Variants in ADAMTS6 observed in about 807,000 individuals in gnomAD.
The protein encoded by ADAMTS6 is A disintegrin and metalloproteinase with thrombospondin motifs 6.
Under a neutral mutation model 144.3 loss-of-function variants are expected in ADAMTS6, and 23 were observed. The ratio of observed to expected loss-of-function variants is 0.16; its 90% CI spans 0.11 to 0.23. ADAMTS6 has a LOEUF of 0.23. Ranked by LOEUF, ADAMTS6 falls within the 10% of genes least tolerant of loss-of-function variation. The pLI, the probability that ADAMTS6 is intolerant of heterozygous loss-of-function variation, is 1.00. For synonymous variants in ADAMTS6, 444 were observed against 457.5 expected (o/e 0.97, Z 0.38); for missense variants, 999 against 1,379.6 (o/e 0.72, Z 4.37).
At chr5:65,249,881 T>C (rs1230111786) in intron 14 of ADAMTS6, among the ~76,000 whole-genome samples, 1 of 152,220 alleles carries the variant, frequency 6.6e-6, no homozygotes, top group Non-Finnish European at 1.5e-5. Flanking sequence ...AGTTTCAGAA[T>C]GTTCTCAGCT....
At position 65,149,427 on chromosome 5, in the gene ADAMTS6, G is replaced by A. The variant is rs545579689; in HGVS notation, c.*2409C>T. 5.3e-5 allele frequency: 8 copies of A among 152,292 alleles called. No individual in the cohort carries two copies. Among genetic ancestry groups the A allele is most frequent in the African/African-American group, 1.9e-4 (8 of 41,552 alleles). 9.4% of individuals were successfully genotyped at this position (152,292 alleles called of 1,614,324 possible). On this transcript the variant is annotated 3_prime_UTR_variant, in exon 25 of 25. Transcript: ENST00000381055. ...TGTTTCATCCTGTTACATTCTGTGCGTGGCTCCCTCTAGAAAGGCACTCTG... is the reference window on the plus strand; with the variant it reads ...TGTTTCATCCTGTTACATTCTGTGCATGGCTCCCTCTAGAAAGGCACTCTG...
rs1233628363 is a variant in ADAMTS6 at position 65,381,557 on chromosome 5, T to TTC, written c.1074-47473_1074-47472insGA. On this transcript the variant is annotated intron_variant, in intron 7 of 24. Transcript: ENST00000381055. ...TTTTTTTTTTTTTTTTTTTTTTTTT[T>TTC]GTAATTTTAGTAGAGATAGGGTTTC... is the stretch of plus-strand genomic sequence containing the variant. 3.6e-4 allele frequency among the ~76,000 whole-genome samples: 45 copies of TTC among 124,834 alleles called. 1 individual carries two copies. The highest frequency in any genetic ancestry group is 5.5e-4 in the Non-Finnish European group (32 of 58,084). 81.9% of individuals were successfully genotyped at this position (124,834 alleles called of 152,430 possible).
intron 7 of ADAMTS6, among the ~76,000 whole-genome samples, chr5:65,366,349 T>C (rs1348777914): frequency 6.6e-6 from 1 of 152,150 alleles, no homozygotes. Context: ...ATTCCGACAA[T>C]GTCTTAAAAT....
At chr5:65,472,661 C>T (rs1342622186) in intron 2 of ADAMTS6, among the ~76,000 whole-genome samples, 1 of 152,166 alleles carries the variant, frequency 6.6e-6, no homozygotes, top group Non-Finnish European at 1.5e-5. Flanking sequence ...CAAATGTCTG[C>T]TTATTTGCCT....
intron 11 of ADAMTS6, among the ~76,000 whole-genome samples, chr5:65,289,831 T>A (rs991956335): frequency 4.6e-5 from 7 of 152,294 alleles, no homozygotes; most frequent in African/African-American, 1.7e-4. Flanking sequence ...ATGAGAGACA[T>A]AGATATGAAT....
chr5:65,329,355 T>C, intron 9 of ADAMTS6, 23 bp downstream of exon 9: 4 of 1,607,116 alleles, frequency 2.5e-6, no homozygotes, highest in East Asian at 2.2e-5. Context: ...AAAATTTATT[T>C]TGATTTTCTT....
intron 7 of ADAMTS6, among the ~76,000 whole-genome samples, chr5:65,436,223 C>T (rs987795597): frequency 1.3e-5 from 2 of 151,992 alleles, no homozygotes; most frequent in African/African-American, 4.8e-5. Context: ...CATCTCTACA[C>T]ACACACACAC....
At chr5:65,468,682 C>T (rs1246871448) in intron 3 of ADAMTS6, among the ~76,000 whole-genome samples, 2 of 152,234 alleles carry the variant, frequency 1.3e-5, no homozygotes, top group Admixed American at 6.5e-5. Context: ...GGAAAGAGAA[C>T]AAGAGACAGA....
chr5:65,447,036 G>A (rs994892525), intron 7 of ADAMTS6, among the ~76,000 whole-genome samples: 39 of 152,138 alleles, frequency 2.6e-4, no homozygotes, highest in Middle Eastern at 3.4e-3. Flanking sequence ...AAACTGTTAC[G>A]TATTATTATC....
rs1430391020 is a variant in ADAMTS6 at position 65,150,297 on chromosome 5, C to T, written c.*1539G>A. ...ATGGGGAGGCATTTTGGACACAAAG[C>T]ACATTCATCAAGAACCTGCTGCAAG... On this transcript the variant is annotated 3_prime_UTR_variant, in exon 25 of 25. Coordinates refer to ENST00000381055, the MANE Select transcript of ADAMTS6 (RefSeq NM_197941.4). 2 of 152,608 alleles carry T rather than the reference C, an allele frequency of 1.3e-5. No homozygotes were observed. Among genetic ancestry groups the T allele is most frequent in the Non-Finnish European group, 2.9e-5 (2 of 68,040 alleles). 9.5% of individuals were successfully genotyped at this position (152,608 alleles called of 1,614,324 possible). A position where few individuals can be genotyped will look rare whatever the true frequency, so the allele number is the denominator to read the frequency against.
At chr5:65,156,318 GAAAACAAAAC>G (rs1275014511) in intron 24 of ADAMTS6, among the ~76,000 whole-genome samples, 2 of 147,728 alleles carry the variant, frequency 1.4e-5, no homozygotes, top group Non-Finnish European at 3.0e-5. Flanking sequence ...ACAAAAAAAC[GAAAACAAAAC>G]AAAACAAACA....
In ADAMTS6 at chr5:65,451,558, T is replaced by C. The variant is rs1291777328; in HGVS notation, c.990A>G (p.Lys330=). ...KSLDSFCKWQ[K]SILSHQSDGN... is the part of the protein sequence containing the mutation. Reference sequence around the variant, plus strand: ...CATCACTTTGGTGGGAGAGAATGGATTTCTGCCATTTACAGAAGCTATCGA... The same window carrying C: ...CATCACTTTGGTGGGAGAGAATGGACTTCTGCCATTTACAGAAGCTATCGA... Residue 330 remains lysine (K), a synonymous_variant, in exon 7 of 25, where the codon AAA becomes AAG. Coordinates refer to ENST00000381055, the MANE Select transcript of ADAMTS6 (RefSeq NM_197941.4). The C allele has an allele frequency of 3.7e-6, 6 of 1,613,502 alleles. No individual in the cohort carries two copies. The highest frequency in any genetic ancestry group is 4.2e-6 in the Non-Finnish European group (5 of 1,179,742).
At chr5:65,289,107 A>G (rs1166241050) in intron 11 of ADAMTS6, among the ~76,000 whole-genome samples, 1 of 152,240 alleles carries the variant, frequency 6.6e-6, no homozygotes, top group Non-Finnish European at 1.5e-5. Context: ...ATTTTGCTAC[A>G]AATCAAAGTG....
intron 5 of ADAMTS6, among the ~76,000 whole-genome samples, chr5:65,452,460 G>C (rs1259632677): frequency 2.0e-5 from 2 of 99,494 alleles, no homozygotes; most frequent in Admixed American, 1.0e-4. Context: ...GATGTTTCAA[G>C]TTAAAAAAAA....
At chr5:65,286,181 C>T (rs969882209) in intron 11 of ADAMTS6, among the ~76,000 whole-genome samples, 7 of 152,138 alleles carry the variant, frequency 4.6e-5, no homozygotes, top group Non-Finnish European at 1.0e-4. Context: ...CTTGTCATAC[C>T]TTTTTGCTGT....
chr5:65,369,498 T>G (rs1750637768), intron 7 of ADAMTS6, among the ~76,000 whole-genome samples: 1 of 151,758 alleles, frequency 6.6e-6, no homozygotes, highest in East Asian at 1.9e-4. Context: ...CTTTCTTATG[T>G]TCTTAGCTAG....
intron 3 of ADAMTS6, among the ~76,000 whole-genome samples, chr5:65,463,602 G>A (rs1480680657): frequency 1.3e-5 from 2 of 152,078 alleles, no homozygotes; most frequent in African/African-American, 4.8e-5. Flanking sequence ...TTTCCTTGAG[G>A]TATAAATTCC....
rs927161151 is a variant in ADAMTS6 at position 65,149,513 on chromosome 5, C to T, written c.*2323G>A. The T allele has an allele frequency of 2.0e-5, 3 of 152,362 alleles. No individual in the cohort carries two copies. The highest frequency in any genetic ancestry group is 7.2e-5 in the African/African-American group (3 of 41,458). 9.4% of individuals were successfully genotyped at this position (152,362 alleles called of 1,614,324 possible). On this transcript the variant is annotated 3_prime_UTR_variant, in exon 25 of 25. Transcript: ENST00000381055. ...GTGCTGGGGCACATCCCAGAAGTGA[C>T]ACTGACTGCCCTCCTCTTCCAGCAT...
intron 20 of ADAMTS6, among the ~76,000 whole-genome samples, chr5:65,205,368 T>A (rs1040907669): frequency 6.6e-6 from 1 of 152,200 alleles, no homozygotes; most frequent in African/African-American, 2.4e-5. Context: ...CATCTTAGAA[T>A]TGACAAAAAA....
Sources: allele counts gnomAD v4.1 joint callset (sites outside exome capture counted in the v4.1 genomes callset), GRCh38; gene constraint gnomAD v4.1.1; transcripts MANE v1.5; gene names NCBI Gene and HGNC (gene_info 2026-07-23, HGNC 2026-07-21).